Variants in TRIM37 observed in about 807,000 individuals in gnomAD.
TRIM37 encodes tripartite motif containing 37, also known as E3 ubiquitin-protein ligase TRIM37.
In TRIM37, 80 loss-of-function variants were observed where a neutral mutation model predicts 129.8. That is an observed-to-expected ratio of 0.62 (90% CI 0.51 to 0.74). TRIM37 has a LOEUF of 0.74. Ranked by LOEUF, TRIM37 falls within the 30% of genes least tolerant of loss-of-function variation. The pLI, the probability that TRIM37 is intolerant of heterozygous loss-of-function variation, is 0.00. For synonymous variants in TRIM37, 389 were observed against 387.1 expected (o/e 1.00, Z -0.06); for missense variants, 1,054 against 1,176.5 (o/e 0.90, Z 1.52).
chr17:58,973,679 G>A, the TRIM37 span, among the ~76,000 whole-genome samples: 10 of 151,328 alleles, frequency 6.6e-5, no homozygotes, highest in South Asian at 2.1e-4. Flanking sequence ...AAGGCCGGGC[G>A]CAGTGGGTCA....
At chr17:59,090,493 C>A (rs1670889726) in intron 3 of TRIM37, among the ~76,000 whole-genome samples, 1 of 152,154 alleles carries the variant, frequency 6.6e-6, no homozygotes, top group Non-Finnish European at 1.5e-5. Context: ...CCAACAATTT[C>A]TTCTGAAAGT....
chr17:59,063,574 G>A (rs904218949), intron 10 of TRIM37, among the ~76,000 whole-genome samples: 4 of 152,182 alleles, frequency 2.6e-5, no homozygotes, highest in Non-Finnish European at 4.4e-5. Context: ...TGCCCTCAAA[G>A]ACAAATTGCT....
intron 16 of TRIM37, among the ~76,000 whole-genome samples, 170 bp from the exon 17 acceptor site, chr17:59,042,068 T>A (rs2039223283): frequency 6.6e-6 from 1 of 152,200 alleles, no homozygotes; most frequent in South Asian, 2.1e-4. Context: ...GTTAATGTTA[T>A]TGTTTAAACA....
chr17:59,069,945 C>A (rs1420577592), intron 9 of TRIM37, among the ~76,000 whole-genome samples: 2 of 152,192 alleles, frequency 1.3e-5, no homozygotes, highest in Non-Finnish European at 2.9e-5. Flanking sequence ...TTTTCTGACA[C>A]CCTGATCTTG....
chr17:59,089,213 C>T (rs1484270899), intron 3 of TRIM37, among the ~76,000 whole-genome samples: 4 of 152,210 alleles, frequency 2.6e-5, no homozygotes, highest in African/African-American at 9.6e-5. Flanking sequence ...AAGATCATGC[C>T]TCTGCACTCC....
the TRIM37 span, chr17:58,972,985 C>A: frequency 2.6e-6 from 3 of 1,175,020 alleles, no homozygotes; most frequent in East Asian, 2.3e-5. Context: ...TCTCCTGTAT[C>A]AACTCTGATA....
At chr17:59,001,906 G>C (rs1780494688) in intron 22 of TRIM37, among the ~76,000 whole-genome samples, 192 bp from the exon 23 acceptor site, 2 of 152,190 alleles carry the variant, frequency 1.3e-5, no homozygotes, top group African/African-American at 2.4e-5. Context: ...TAGCTATTTA[G>C]AGTGGTTTTA....
At chr17:59,071,417 C>A (rs2042354813) in intron 8 of TRIM37, among the ~76,000 whole-genome samples, 1 of 151,620 alleles carries the variant, frequency 6.6e-6, no homozygotes, top group South Asian at 2.1e-4. Flanking sequence ...TCCTGAATAG[C>A]TGGGATTACA....
chr17:58,997,105 A>G (rs2033087621), downstream of TRIM37, among the ~76,000 whole-genome samples: 1 of 152,182 alleles, frequency 6.6e-6, no homozygotes, highest in African/African-American at 2.4e-5. Flanking sequence ...CAGAAAAAGA[A>G]CATTTGTGAA....
At chr17:58,980,371 A>G (rs1598719038), downstream of TRIM37, 6 of 1,614,160 alleles carry the variant, frequency 3.7e-6, no homozygotes, top group Non-Finnish European at 4.2e-6. The surrounding 1 kb of genome is among the most constrained non-coding windows in gnomAD (Gnocchi z 4.7). Flanking sequence ...AGTGCTCAGC[A>G]CCAGCCGACC....
At chr17:59,060,432 T>C (rs1366411758) in intron 12 of TRIM37, among the ~76,000 whole-genome samples, 5 of 151,918 alleles carry the variant, frequency 3.3e-5, no homozygotes, top group African/African-American at 4.8e-5. Flanking sequence ...ACAGATTTCA[T>C]GTAACAGAGT....
intron 23 of TRIM37, among the ~76,000 whole-genome samples, chr17:59,001,156 C>T (rs570614757): frequency 3.0e-4 from 42 of 142,124 alleles, no homozygotes; most frequent in African/African-American, 1.1e-3. Flanking sequence ...GATCACGCCA[C>T]AGCACTCCAT....
At chr17:58,991,850 C>T (rs564733484) in intron 24 of TRIM37, among the ~76,000 whole-genome samples, 1 of 152,100 alleles carries the variant, frequency 6.6e-6, no homozygotes, top group Admixed American at 6.6e-5. Context: ...GGAGGTTGGG[C>T]AGCGTCTCAG....
chr17:58,977,857 C>T (rs1296769679), downstream of TRIM37, among the ~76,000 whole-genome samples: 5 of 152,216 alleles, frequency 3.3e-5, no homozygotes, highest in African/African-American at 1.2e-4. Context: ...ATTCTCCTGC[C>T]TCAGCCTCTT....
At chr17:58,994,861 T>C (rs2032825493), downstream of TRIM37, among the ~76,000 whole-genome samples, 1 of 151,762 alleles carries the variant, frequency 6.6e-6, no homozygotes, top group Non-Finnish European at 1.5e-5. Flanking sequence ...GCGATTCTCC[T>C]GCCTCAGCCT....
At chr17:59,092,023 G>A (rs1279489912) in intron 2 of TRIM37, among the ~76,000 whole-genome samples, 2 of 151,560 alleles carry the variant, frequency 1.3e-5, no homozygotes, top group African/African-American at 2.4e-5. Flanking sequence ...CTAATTCTGA[G>A]TTACATACAT....
chr17:59,061,183 T>G, intron 11 of TRIM37, 75 bp from the exon 12 acceptor site: 2 of 1,147,926 alleles, frequency 1.7e-6, no homozygotes, highest in South Asian at 2.5e-5. Flanking sequence ...ATATCTGATA[T>G]CTAGATTGAG....
chr17:59,061,215 CAATGGAAGA>C (rs2041463218), intron 11 of TRIM37, 107 bp from the exon 12 acceptor site: 1 of 831,336 alleles, frequency 1.2e-6, no homozygotes, highest in East Asian at 2.7e-5. Flanking sequence ...AGCCTCAAAG[CAATGGAAGA>C]AATAATTAAA....
At chr17:59,095,040 A>C (rs2044723844) in intron 2 of TRIM37, among the ~76,000 whole-genome samples, 1 of 152,078 alleles carries the variant, frequency 6.6e-6, no homozygotes, top group Admixed American at 6.5e-5. Context: ...ACATAGCAAG[A>C]TACCATCTCT....
Sources: allele counts gnomAD v4.1 joint callset (sites outside exome capture counted in the v4.1 genomes callset), GRCh38; gene constraint gnomAD v4.1.1; non-coding constraint Gnocchi (gnomAD v3.1); transcripts MANE v1.5; gene names NCBI Gene and HGNC (gene_info 2026-07-23, HGNC 2026-07-21).